Variants in PKNOX2 observed in about 807,000 individuals in gnomAD.
PKNOX2 encodes the protein PBX/knotted 1 homeobox 2, also known as homeobox protein PKNOX2.
In PKNOX2, 14 loss-of-function variants were observed where a neutral mutation model predicts 53.1. The observed-to-expected ratio is 0.26, with a 90% CI of 0.17 to 0.41. The LOEUF (loss-of-function observed/expected upper bound fraction) is 0.41. Among genes scored for constraint, PKNOX2 ranks in the 10% least tolerant of loss-of-function variants. The pLI, the probability that PKNOX2 is intolerant of heterozygous loss-of-function variation, is 1.00. For missense variants in PKNOX2, 496 were observed against 602.8 expected (o/e 0.82, Z 1.85); for synonymous variants, 257 against 242.8 (o/e 1.06, Z -0.54).
intron 4 of PKNOX2, among the ~76,000 whole-genome samples, chr11:125,358,501 A>G (rs1239548752): frequency 6.6e-6 from 1 of 152,244 alleles, no homozygotes; most frequent in African/African-American, 2.4e-5. Context: ...TGAATGTTCC[A>G]TGAGTCACAT....
rs1289650617 is a variant in PKNOX2 at position 125,429,152 on chromosome 11, G to A, written c.1013+64G>A. 2.1e-5 allele frequency: 30 copies of A among 1,462,394 alleles called. 2 individuals carry two copies. The highest frequency in any genetic ancestry group is 1.6e-4 in the South Asian group (14 of 86,774). 90.6% of individuals were successfully genotyped at this position (1,462,394 alleles called of 1,614,324 possible). ...GGGGCCACCTTCTGGGCAGGGGAAT[G>A]CGTAGCAGGGAAAAGAGACTCGAAT... On this transcript the variant is annotated intron_variant, in intron 11 of 12. Coordinates refer to ENST00000298282, the MANE Select transcript of PKNOX2 (RefSeq NM_001382323.2).
At chr11:125,288,707 G>A (rs1007101518) in intron 2 of PKNOX2, among the ~76,000 whole-genome samples, 10 of 152,164 alleles carry the variant, frequency 6.6e-5, no homozygotes, top group Admixed American at 3.3e-4. Flanking sequence ...GGCTTCTCAC[G>A]TTGTGCACCA....
chr11:125,170,393 A>G (rs1013083090), intron 1 of PKNOX2, among the ~76,000 whole-genome samples: 2 of 151,938 alleles, frequency 1.3e-5, no homozygotes, highest in Non-Finnish European at 2.9e-5. Context: ...CTTAGTCTCC[A>G]TTTTGATTGG....
intron 2 of PKNOX2, among the ~76,000 whole-genome samples, chr11:125,245,210 C>T (rs1173730148): frequency 6.6e-6 from 1 of 152,122 alleles, no homozygotes; most frequent in Non-Finnish European, 1.5e-5. Flanking sequence ...CATGTGATCC[C>T]CATGACTGTC....
At position 125,410,812 on chromosome 11, in the gene PKNOX2, C is replaced by T. The variant is rs1167582131; in HGVS notation, c.752C>T (p.Thr251Ile). The change falls in exon 9 of 13, where the codon ACC (threonine) becomes ATC (isoleucine). Residue 251 changes from threonine to isoleucine, a missense_variant. By Grantham distance (89) the Thr-to-Ile change is moderately conservative. This residue lies in a region of PKNOX2 where 141 missense variants were observed against 143.9 expected (regional missense o/e 0.98). Transcript: ENST00000298282. ...GALYQPVTMV[T>I]SQGQVVTQAI... ...TTATACCAACCGGTTACCATGGTAACCTCCCAGGGTCAGGTGGTCACCCAA... is the reference window on the plus strand; with the variant it reads ...TTATACCAACCGGTTACCATGGTAATCTCCCAGGGTCAGGTGGTCACCCAA... 6.2e-7 allele frequency: 1 copy of T among 1,614,080 alleles called. No individual in the cohort carries two copies. The highest frequency in any genetic ancestry group is 1.1e-5 in the South Asian group (1 of 91,076).
chr11:125,310,240 T>C (rs1244391501), intron 2 of PKNOX2, among the ~76,000 whole-genome samples: 1 of 152,128 alleles, frequency 6.6e-6, no homozygotes, highest in African/African-American at 2.4e-5. Context: ...CTCACACCTG[T>C]AATCCCAGCA....
chr11:125,194,215 A>C (rs1175778092), intron 1 of PKNOX2, among the ~76,000 whole-genome samples: 1 of 152,160 alleles, frequency 6.6e-6, no homozygotes, highest in Non-Finnish European at 1.5e-5. Context: ...CTCCTTTTCC[A>C]GTAGGGCCCT....
chr11:125,318,258 C>T (rs1949322343), intron 2 of PKNOX2, among the ~76,000 whole-genome samples: 1 of 151,672 alleles, frequency 6.6e-6, no homozygotes, highest in South Asian at 2.1e-4. Context: ...AGGCACCCGC[C>T]ATCATGCCTG....
At chr11:125,333,711 C>T (rs958581982) in intron 3 of PKNOX2, among the ~76,000 whole-genome samples, 5 of 152,174 alleles carry the variant, frequency 3.3e-5, no homozygotes, top group African/African-American at 1.2e-4. Flanking sequence ...GGAAGTGTGG[C>T]AATCAGAGAA....
At chr11:125,276,934 C>T (rs1413717511) in intron 2 of PKNOX2, among the ~76,000 whole-genome samples, 1 of 152,090 alleles carries the variant, frequency 6.6e-6, no homozygotes, top group Non-Finnish European at 1.5e-5. Flanking sequence ...AGGAGAGCTG[C>T]AAGAAGCCCA....
intron 1 of PKNOX2, among the ~76,000 whole-genome samples, chr11:125,222,722 T>C (rs1941318291): frequency 6.6e-6 from 1 of 151,090 alleles, no homozygotes; most frequent in Admixed American, 6.6e-5. Context: ...TGTATGTGTG[T>C]GTGTATGTGT....
At chr11:125,186,302 A>C (rs1956445471) in intron 1 of PKNOX2, among the ~76,000 whole-genome samples, 2 of 152,222 alleles carry the variant, frequency 1.3e-5, no homozygotes, top group Non-Finnish European at 2.9e-5. Context: ...AACCCTTATC[A>C]GGGAAAATAT....
At position 125,418,406 on chromosome 11, in the gene PKNOX2, G is replaced by A. The variant is rs141592868; in HGVS notation, c.936+6541G>A. 1.2e-4 allele frequency among the ~76,000 whole-genome samples: 19 copies of A among 152,150 alleles called. 1 individual carries two copies. Among genetic ancestry groups the A allele is most frequent in the South Asian group, 1.2e-3 (6 of 4,828 alleles). On this transcript the variant is annotated intron_variant, in intron 10 of 12. Transcript: ENST00000298282. ...GGCTCATAAGTCCTGCTGCCATGAC[G>A]GGTATACTCTGCATGATTCTGTGCC...
chr11:125,351,491 A>G, intron 4 of PKNOX2, 99 bp downstream of exon 4: 2 of 760,844 alleles, frequency 2.6e-6, no homozygotes, highest in Non-Finnish European at 4.4e-6. Flanking sequence ...GCCGACGGGC[A>G]GAGCCAGGCC....
intron 2 of PKNOX2, among the ~76,000 whole-genome samples, chr11:125,302,323 G>C (rs1012423028): frequency 6.6e-6 from 1 of 152,228 alleles, no homozygotes; most frequent in Non-Finnish European, 1.5e-5. Flanking sequence ...GCCATGCACT[G>C]ACCAGCCATG....
intron 6 of PKNOX2, among the ~76,000 whole-genome samples, chr11:125,394,873 T>C (rs986212595): frequency 2.0e-5 from 3 of 152,214 alleles, no homozygotes; most frequent in Non-Finnish European, 2.9e-5. Context: ...GAGCTCCTGA[T>C]TCACATCTTG....
intron 3 of PKNOX2, among the ~76,000 whole-genome samples, chr11:125,333,547 C>CAT (rs1346136589): frequency 3.6e-5 from 5 of 137,878 alleles, no homozygotes; most frequent in African/African-American, 1.0e-4. Context: ...CACACACACA[C>CAT]ATACACACAC....
At chr11:125,389,408 C>T (rs1303213892) in intron 6 of PKNOX2, among the ~76,000 whole-genome samples, 1 of 152,166 alleles carries the variant, frequency 6.6e-6, no homozygotes, top group African/African-American at 2.4e-5. Flanking sequence ...TTCCGTACAC[C>T]CACACTCTAC....
At chr11:125,167,382 C>A (rs1026488406) in intron 1 of PKNOX2, among the ~76,000 whole-genome samples, 4 of 152,160 alleles carry the variant, frequency 2.6e-5, no homozygotes, top group East Asian at 1.9e-4. Flanking sequence ...GCGGCGACTG[C>A]CGCCGCGGAG....
Sources: allele counts gnomAD v4.1 joint callset (sites outside exome capture counted in the v4.1 genomes callset), GRCh38; gene constraint gnomAD v4.1.1; regional missense constraint gnomAD v4.1.1; transcripts MANE v1.5; gene names NCBI Gene and HGNC (gene_info 2026-07-23, HGNC 2026-07-21).